TRIM55: variants seen among roughly 807,000 people sequenced by gnomAD.
The protein encoded by TRIM55 is tripartite motif containing 55.
A neutral mutation model predicts 60.9 loss-of-function variants in TRIM55; 50 were observed. The observed-to-expected ratio is 0.82, with a 90% confidence interval of 0.65 to 1.04. The LOEUF is 1.04. Ranked by LOEUF, TRIM55 falls within the 50% of genes least tolerant of loss-of-function variation. The pLI, the probability that TRIM55 is intolerant of heterozygous loss-of-function variation, is 0.00. For synonymous variants in TRIM55, 237 were observed against 238.1 expected (o/e 1.00, Z 0.04); for missense variants, 681 against 666.9 (o/e 1.02, Z -0.23).
chr8:66,133,858 T>C (rs1586177100), intron 2 of TRIM55, among the ~76,000 whole-genome samples: 1 of 152,254 alleles, frequency 6.6e-6, no homozygotes, highest in South Asian at 2.1e-4. Flanking sequence ...CAGTAGGAAG[T>C]GCATTTTACA....
chr8:66,135,241 G>T, intron 3 of TRIM55, 86 bp downstream of exon 3: 1 of 1,484,878 alleles, frequency 6.7e-7, no homozygotes, highest in Non-Finnish European at 9.3e-7. Flanking sequence ...GTGGCTCCCT[G>T]CGGTGGAGGA....
intron 3 of TRIM55, 106 bp downstream of exon 3, chr8:66,135,261 A>C: frequency 6.5e-6 from 8 of 1,226,614 alleles, no homozygotes; most frequent in Non-Finnish European, 9.5e-6. Flanking sequence ...AGGAAGCCCA[A>C]GCCACGCAGG....
chr8:66,134,461 G>A (rs891852210), intron 2 of TRIM55, among the ~76,000 whole-genome samples: 1 of 152,132 alleles, frequency 6.6e-6, no homozygotes, highest in African/African-American at 2.4e-5. Context: ...CTTTCCTGGG[G>A]CCAGAGGCTG....
At chr8:66,122,229 T>G (rs1808659816), upstream of TRIM55, among the ~76,000 whole-genome samples, 1 of 152,206 alleles carries the variant, frequency 6.6e-6, no homozygotes, top group Non-Finnish European at 1.5e-5. Flanking sequence ...AACCTGCCTC[T>G]CATTCTATTC....
upstream of TRIM55, among the ~76,000 whole-genome samples, chr8:66,124,579 T>C (rs546221028): frequency 2.6e-5 from 4 of 152,160 alleles, no homozygotes; most frequent in African/African-American, 9.7e-5. Flanking sequence ...ATGAAGCCCT[T>C]CTGATTCCTC....
chr8:66,140,176 A>G (rs1809724988), intron 4 of TRIM55, among the ~76,000 whole-genome samples: 1 of 152,150 alleles, frequency 6.6e-6, no homozygotes, highest in Non-Finnish European at 1.5e-5. Flanking sequence ...CTGCCTAAGG[A>G]TGCACTTCTC....
intron 2 of TRIM55, among the ~76,000 whole-genome samples, chr8:66,129,205 G>C (rs1200939405): frequency 2.0e-5 from 3 of 152,234 alleles, no homozygotes; most frequent in South Asian, 2.1e-4. Context: ...AACAAAAAAG[G>C]CTTCTTATTC....
chr8:66,113,359 T>C, the TRIM55 span: 3 of 376,276 alleles, frequency 8.0e-6, no homozygotes, highest in East Asian at 7.4e-5. Flanking sequence ...CCGACACACG[T>C]ACACGTCCCT....
At chr8:66,164,589 CT>C (rs1811218940) in intron 9 of TRIM55, among the ~76,000 whole-genome samples, 1 of 152,156 alleles carries the variant, frequency 6.6e-6, no homozygotes, top group African/African-American at 2.4e-5. Flanking sequence ...CAAATAGTCC[CT>C]TCCCCTTTCC....
In TRIM55 at chr8:66,152,397, G is replaced by A; in HGVS notation, c.1006G>A (p.Glu336Lys). The A allele has an allele frequency of 1.9e-6, 3 of 1,598,304 alleles. No homozygotes were observed. Among genetic ancestry groups the A allele is most frequent in the Non-Finnish European group, 2.6e-6 (3 of 1,171,338 alleles). Residue 336 changes from glutamate (E) to lysine (K), a missense_variant, in exon 8 of 10, where the codon GAA becomes AAA. Coordinates refer to ENST00000315962, the MANE Select transcript of TRIM55 (RefSeq NM_184085.2). ...FYREDEDEEE[E>K]EGGEGEKEGE... ...ACCAGAAGATGAAGATGAAGAAGAA[G>A]AAGAAGGCGGAGAAGGAGAAAAAGA...
In TRIM55 at chr8:66,128,315, G is replaced by A. The variant is rs759862288; in HGVS notation, c.180G>A (p.Pro60=). ...CASDIFQASN[P]YLPTRGGTTM... is the part of the protein sequence containing the mutation. ...CTTGGCAAGAACAGGCCTCTAACCC[G>A]TATTTGCCCACAAGAGGAGGTACCA... Residue 60 remains proline (P), a synonymous_variant, in exon 2 of 10, where the codon CCG becomes CCA. Transcript: ENST00000315962. 3.7e-5 allele frequency: 59 copies of A among 1,606,314 alleles called. No individual in the cohort carries two copies. Among genetic ancestry groups the A allele is most frequent in the Admixed American group, 1.7e-4 (10 of 58,002 alleles).
Position 66,149,675 on chromosome 8 carries a change from T to C in TRIM55, c.634T>C (p.Cys212Arg), listed in dbSNP as rs746133998. ...ECCRKQKQEL[C>R]EKFDYLYGIL... ...TTGCAGAAAACAGAAACAAGAGCTTTGTGAGAAGTTTGATTACCTGTATGG... is the reference window on the plus strand; with the variant it reads ...TTGCAGAAAACAGAAACAAGAGCTTCGTGAGAAGTTTGATTACCTGTATGG... The change falls in exon 5 of 10, where the codon TGT becomes CGT. Residue 212 changes from cysteine (C) to arginine (R), a missense_variant. Transcript: ENST00000315962. 6.2e-7 allele frequency: 1 copy of C among 1,614,148 alleles called. No individual in the cohort carries two copies. The highest frequency in any genetic ancestry group is 8.5e-7 in the Non-Finnish European group (1 of 1,179,964).
At chr8:66,168,621 A>G (rs1320497812) in intron 9 of TRIM55, among the ~76,000 whole-genome samples, 1 of 152,208 alleles carries the variant, frequency 6.6e-6, no homozygotes, top group Non-Finnish European at 1.5e-5. Context: ...TTCATGATAG[A>G]TGGGCAAAGA....
chr8:66,144,038 T>C (rs889467429), intron 4 of TRIM55, among the ~76,000 whole-genome samples: 19 of 152,216 alleles, frequency 1.2e-4, no homozygotes, highest in Admixed American at 5.2e-4. Flanking sequence ...AAATGTTCTC[T>C]TTACAGTTGC....
At chr8:66,117,391 T>C in the TRIM55 span, among the ~76,000 whole-genome samples, 1 of 152,266 alleles carries the variant, frequency 6.6e-6, no homozygotes, top group Non-Finnish European at 1.5e-5. Context: ...GAAATGATAA[T>C]ATTTTAGATG....
chr8:66,119,427 G>T, the TRIM55 span, among the ~76,000 whole-genome samples: 1 of 152,090 alleles, frequency 6.6e-6, no homozygotes, highest in African/African-American at 2.4e-5. Context: ...TGAACAAATG[G>T]CTCCTTAAAC....
At chr8:66,123,710 T>C (rs1161569185), upstream of TRIM55, among the ~76,000 whole-genome samples, 1 of 151,976 alleles carries the variant, frequency 6.6e-6, no homozygotes, top group Non-Finnish European at 1.5e-5. Context: ...TTTAAAAAAT[T>C]AGCTGGGCAT....
In TRIM55 at chr8:66,162,265, T is replaced by A. The variant is rs532935987; in HGVS notation, c.1524+7931T>A. ...TTTTGTCAAATGCTTTTTCTGCATC[T>A]GTTGAGATGATCATGTGATTTTTGT... On this transcript the variant is annotated intron_variant, in intron 9 of 9. Coordinates refer to ENST00000315962, the MANE Select transcript of TRIM55 (RefSeq NM_184085.2). Among the ~76,000 whole-genome samples the A allele has an allele frequency of 2.6e-5, 4 of 152,326 alleles. No individual in the cohort carries two copies. In the South Asian group the frequency reaches 8.3e-4, roughly 32 times the overall value.
chr8:66,172,837 C>A (rs907684938), intron 9 of TRIM55, among the ~76,000 whole-genome samples: 3 of 152,170 alleles, frequency 2.0e-5, no homozygotes, highest in Admixed American at 1.3e-4. Flanking sequence ...TTCATCCAGG[C>A]GGAATTCGCT....
Sources: gnomAD v4.1 joint callset for allele counts (sites outside exome capture counted in the v4.1 genomes callset) on GRCh38, gnomAD v4.1.1 for gene constraint, MANE v1.5 for transcripts, NCBI Gene and HGNC (gene_info 2026-07-23, HGNC 2026-07-21) for gene names.